NALCN: variants seen among roughly 807,000 people sequenced by gnomAD.
NALCN encodes the protein sodium leak channel NALCN.
A neutral mutation model predicts 225.3 loss-of-function variants in NALCN; 111 were observed. The observed-to-expected ratio is 0.49, with a 90% confidence interval of 0.42 to 0.58. The LOEUF (loss-of-function observed/expected upper bound fraction) is 0.58. Ranked by LOEUF, NALCN falls within the 20% of genes least tolerant of loss-of-function variation. The pLI is 0.00. For synonymous variants in NALCN, 764 were observed against 769.0 expected (o/e 0.99, Z 0.11); for missense variants, 1,378 against 2,202.4 (o/e 0.63, Z 7.49).
intron 39 of NALCN, among the ~76,000 whole-genome samples, chr13:101,066,949 G>A (rs1021491116): frequency 6.6e-6 from 1 of 152,044 alleles, no homozygotes; most frequent in African/African-American, 2.4e-5. Flanking sequence ...CATTCCTGCC[G>A]GCGCAGCCCC....
intron 7 of NALCN, among the ~76,000 whole-genome samples, chr13:101,324,205 C>T: frequency 6.6e-6 from 1 of 152,122 alleles, no homozygotes; most frequent in Non-Finnish European, 1.5e-5. Flanking sequence ...CGTAACACGT[C>T]TCAACTGGCT....
At chr13:101,403,853 A>T (rs1044863087) in intron 1 of NALCN, among the ~76,000 whole-genome samples, 6 of 152,238 alleles carry the variant, frequency 3.9e-5, no homozygotes, top group African/African-American at 1.4e-4. Context: ...CAGTTTGAGA[A>T]GGAAATTAAG....
intron 9 of NALCN, 136 bp from the exon 10 acceptor site, chr13:101,284,155 T>C: frequency 1.5e-6 from 1 of 652,322 alleles, no homozygotes; most frequent in Non-Finnish European, 2.5e-6. Flanking sequence ...TGAAGTCATT[T>C]CAATTATAGT....
At chr13:101,219,439 G>C (rs1407328138) in intron 13 of NALCN, among the ~76,000 whole-genome samples, 1 of 152,150 alleles carries the variant, frequency 6.6e-6, no homozygotes, top group Non-Finnish European at 1.5e-5. Context: ...CAGCATTGTT[G>C]CTCATTCTCC....
chr13:101,055,565 T>G, intron 43 of NALCN, 77 bp from the exon 44 acceptor site: 1 of 1,264,814 alleles, frequency 7.9e-7, no homozygotes, highest in Non-Finnish European at 1.1e-6. Flanking sequence ...ACCCATGATA[T>G]TCCCATCAGT....
At chr13:101,173,876 A>G (rs1488066773) in intron 15 of NALCN, among the ~76,000 whole-genome samples, 2 of 152,158 alleles carry the variant, frequency 1.3e-5, no homozygotes, top group East Asian at 3.9e-4. Flanking sequence ...TCTGTAAAAG[A>G]CAGTCTAAAG....
chr13:101,143,083 T>C lies in NALCN; in HGVS notation c.2115A>G (p.Gln705=), dbSNP rs1188345489. 1.9e-6 allele frequency: 3 copies of C among 1,614,010 alleles called. No individual in the cohort carries two copies. The highest frequency in any genetic ancestry group is 2.5e-6 in the Non-Finnish European group (3 of 1,180,010). The change falls in exon 17 of 44, where the codon CAA becomes CAG. Residue 705 remains glutamine, a synonymous_variant. Transcript: ENST00000251127. The part of the protein sequence containing the change: ...SAIEDNKYID[Q]KLRKSVFSIR... ...TATTCGAAACAGCAGATCTTACTTT[T>C]TGGTCGATGTATTTGTTGTCCTCAA...
intron 11 of NALCN, among the ~76,000 whole-genome samples, chr13:101,258,159 A>C (rs148075085): frequency 6.6e-6 from 1 of 152,258 alleles, no homozygotes; most frequent in East Asian, 1.9e-4. Context: ...AGAGATAATA[A>C]GAGGTGGATA....
intron 11 of NALCN, among the ~76,000 whole-genome samples, chr13:101,240,334 T>A (rs1012865017): frequency 3.3e-5 from 5 of 151,848 alleles, no homozygotes; most frequent in Admixed American, 2.6e-4. Flanking sequence ...ATATCCTATC[T>A]TTCTTTCTCT....
chr13:101,356,867 T>G (rs2046078712), intron 6 of NALCN, among the ~76,000 whole-genome samples: 1 of 152,174 alleles, frequency 6.6e-6, no homozygotes, highest in South Asian at 2.1e-4. Flanking sequence ...ATCCCTGAAG[T>G]GTAAGGCTGG....
rs965937152 is a variant in NALCN at position 101,139,984 on chromosome 13, A to G, written c.2118+3096T>C. Among the ~76,000 whole-genome samples, 4 of 152,264 alleles carry G rather than the reference A, an allele frequency of 2.6e-5. No individual in the cohort carries two copies. The East Asian group carries it at 5.8e-4, about 22-fold the overall frequency. On this transcript the variant is annotated intron_variant, in intron 17 of 43. Coordinates refer to ENST00000251127, the MANE Select transcript of NALCN (RefSeq NM_052867.4). Reference sequence around the variant, plus strand: ...GGTTGACAAATCCTAAGGTCTTATGAGGAACACCAAGAACTGGTGGGAACT... The same window carrying G: ...GGTTGACAAATCCTAAGGTCTTATGGGGAACACCAAGAACTGGTGGGAACT...
chr13:101,101,634 G>A (rs1457721241), intron 26 of NALCN, among the ~76,000 whole-genome samples: 1 of 152,070 alleles, frequency 6.6e-6, no homozygotes. Flanking sequence ...TGGCTTAGCT[G>A]TCTTGTAACT....
intron 6 of NALCN, chr13:101,373,017 A>G: frequency 2.6e-6 from 1 of 378,146 alleles, no homozygotes; most frequent in East Asian, 8.3e-5. Context: ...TTAAAAAGAT[A>G]ATCAGACATT....
At position 101,103,177 on chromosome 13, in the gene NALCN, A is replaced by C; in HGVS notation, c.3052T>G (p.Phe1018Val). The C allele has an allele frequency of 1.9e-6, 3 of 1,612,426 alleles. No individual in the cohort carries two copies. Among genetic ancestry groups the C allele is most frequent in the Non-Finnish European group, 2.5e-6 (3 of 1,179,506 alleles). The change falls in exon 26 of 44, where the codon TTT (phenylalanine) becomes GTT (valine). Residue 1018 changes from phenylalanine to valine, a missense_variant. Coordinates refer to ENST00000251127, the MANE Select transcript of NALCN (RefSeq NM_052867.4). ...AAAGGATAATTCTCACATACCAAAAAAATTTCCTTGAAGCCGCTGAAAAGT... is the reference window on the plus strand; with the variant it reads ...AAAGGATAATTCTCACATACCAAAACAATTTCCTTGAAGCCGCTGAAAAGT... ...RELFSGFKEI[F>V]LVSILLLTLM... is the part of the protein sequence containing the mutation.
At chr13:101,098,924 T>C (rs2139590486) in intron 27 of NALCN, among the ~76,000 whole-genome samples, 1 of 152,048 alleles carries the variant, frequency 6.6e-6, no homozygotes, top group South Asian at 2.1e-4. Context: ...CATCTGAGCC[T>C]CGCACAGACC....
chr13:101,073,379 G>T (rs1566784105), intron 37 of NALCN, among the ~76,000 whole-genome samples: 1 of 152,172 alleles, frequency 6.6e-6, no homozygotes, highest in Non-Finnish European at 1.5e-5. Context: ...AACTACAATA[G>T]CTCAAGTTGG....
At chr13:101,057,514 T>G in intron 43 of NALCN, 1 of 224,962 alleles carries the variant, frequency 4.4e-6, no homozygotes, top group Non-Finnish European at 8.8e-6. Flanking sequence ...AGCTGCAAAG[T>G]GTGCTGAGAG....
Position 101,116,810 on chromosome 13 carries a change from A to G in NALCN, c.2193-5584T>C, listed in dbSNP as rs1168284598. On this transcript the variant is annotated intron_variant, in intron 18 of 43. Coordinates refer to ENST00000251127, the MANE Select transcript of NALCN (RefSeq NM_052867.4). ...TATCCAAGGTTGGTTAATGTAATGT[A>G]ATCACATTAGCAGACAACAGGAAAA... 6 of 393,064 alleles carry G rather than the reference A, an allele frequency of 1.5e-5. No individual in the cohort carries two copies. In the Admixed American group the frequency reaches 1.8e-4, roughly 12 times the overall value. The allele number at this position is 393,064 out of a possible 1,614,324, so 24.3% of individuals were successfully genotyped here. A position where few individuals can be genotyped will look rare whatever the true frequency, so the allele number is the denominator to read the frequency against.
intron 6 of NALCN, among the ~76,000 whole-genome samples, chr13:101,351,371 T>C (rs932520872): frequency 2.0e-5 from 3 of 152,202 alleles, no homozygotes; most frequent in Non-Finnish European, 4.4e-5. Flanking sequence ...CCTCCTAGCA[T>C]ATGTTTGCTT....
Sources: allele counts gnomAD v4.1 joint callset (sites outside exome capture counted in the v4.1 genomes callset), GRCh38; gene constraint gnomAD v4.1.1; transcripts MANE v1.5; gene names NCBI Gene and HGNC (gene_info 2026-07-23, HGNC 2026-07-21).